HMGCLL1: variants seen among roughly 807,000 people sequenced by gnomAD.
HMGCLL1 encodes 3-hydroxymethyl-3-methylglutaryl-CoA lyase, cytoplasmic.
In HMGCLL1, 36 loss-of-function variants were observed where a neutral mutation model predicts 39.1. The ratio of observed to expected loss-of-function variants is 0.92; its 90% CI spans 0.71 to 1.22. HMGCLL1 has a LOEUF of 1.22. HMGCLL1 is among the 50% of genes most tolerant of loss of function. The pLI, the probability that HMGCLL1 is intolerant of heterozygous loss-of-function variation, is 0.00. For synonymous variants in HMGCLL1, 149 were observed against 144.0 expected (o/e 1.03, Z -0.25); for missense variants, 451 against 416.5 (o/e 1.08, Z -0.72).
At chr6:55,587,698 G>T in the HMGCLL1 span, among the ~76,000 whole-genome samples, 1 of 152,018 alleles carries the variant, frequency 6.6e-6, no homozygotes, top group Non-Finnish European at 1.5e-5. Flanking sequence ...AAAATAAAGG[G>T]ACGGAGGAAG....
intron 7 of HMGCLL1, among the ~76,000 whole-genome samples, chr6:55,490,854 G>C (rs1252891529): frequency 1.3e-5 from 2 of 151,868 alleles, no homozygotes; most frequent in African/African-American, 4.8e-5. Flanking sequence ...AGATGTTGGA[G>C]ATGAACTAAA....
the HMGCLL1 span, among the ~76,000 whole-genome samples, chr6:55,650,076 T>C: frequency 2.2e-4 from 21 of 97,034 alleles, no homozygotes; most frequent in African/African-American, 6.6e-4. Context: ...TATATATATA[T>C]ACACACACAT....
At chr6:55,631,886 C>G in the HMGCLL1 span, among the ~76,000 whole-genome samples, 1 of 152,046 alleles carries the variant, frequency 6.6e-6, no homozygotes, top group Non-Finnish European at 1.5e-5. Context: ...GTCTCAAAAC[C>G]CTGCAGAGCA....
the HMGCLL1 span, among the ~76,000 whole-genome samples, chr6:55,646,303 C>A: frequency 3.3e-5 from 5 of 151,604 alleles, no homozygotes; most frequent in Admixed American, 3.3e-4. Flanking sequence ...GTTACTCTGG[C>A]TAAAGTTTTG....
At chr6:55,669,453 G>A in the HMGCLL1 span, among the ~76,000 whole-genome samples, 1 of 151,858 alleles carries the variant, frequency 6.6e-6, no homozygotes, top group African/African-American at 2.4e-5. Flanking sequence ...TATTCAAAAT[G>A]CCCAGTATGT....
chr6:55,538,175 A>G (rs868485975), intron 3 of HMGCLL1, among the ~76,000 whole-genome samples: 1 of 152,146 alleles, frequency 6.6e-6, no homozygotes, highest in African/African-American at 2.4e-5. Context: ...GGCCATGAAC[A>G]TTACTATAGG....
chr6:55,674,091 C>T, the HMGCLL1 span, among the ~76,000 whole-genome samples: 1 of 152,036 alleles, frequency 6.6e-6, no homozygotes, highest in African/African-American at 2.4e-5. Context: ...AAAGTAGTAG[C>T]ATGTCGTAAT....
At chr6:55,657,000 A>G in the HMGCLL1 span, among the ~76,000 whole-genome samples, 1 of 151,888 alleles carries the variant, frequency 6.6e-6, no homozygotes. Context: ...GATGAATTAA[A>G]TACAGAAGTG....
At chr6:55,526,510 A>G (rs2127445468) in intron 3 of HMGCLL1, among the ~76,000 whole-genome samples, 1 of 152,146 alleles carries the variant, frequency 6.6e-6, no homozygotes, top group South Asian at 2.1e-4. Context: ...GCATGAAATA[A>G]GATTTAATAA....
Position 55,542,086 on chromosome 6 carries a change from G to C in HMGCLL1, c.163C>G (p.Pro55Ala), listed in dbSNP as rs1179174287. The C allele has an allele frequency of 1.9e-6, 3 of 1,609,264 alleles. No individual in the cohort carries two copies. The highest frequency in any genetic ancestry group is 2.7e-5 in the African/African-American group (2 of 74,776). ...PEFVKIVEVGPRDGLQNEKVI... is the reference protein window; with the variant it reads ...PEFVKIVEVGARDGLQNEKVI... The stretch of plus-strand genomic sequence containing the variant: ...TTTTCATTCTGCAATCCATCCCTAG[G>C]CCCAACTTCTACTATTTTAACAAAC... Residue 55 changes from proline to alanine, a missense_variant, in exon 2 of 9, where the codon CCT (proline) becomes GCT (alanine). Pro to Ala is a conservative substitution (Grantham distance 27). Coordinates refer to ENST00000274901, the MANE Select transcript of HMGCLL1 (RefSeq NM_001042406.2).
chr6:55,492,591 A>C lies in HMGCLL1; in HGVS notation c.795+2828T>G, dbSNP rs567201166. On this transcript the variant is annotated intron_variant, in intron 7 of 8. Coordinates refer to ENST00000274901, the MANE Select transcript of HMGCLL1 (RefSeq NM_001042406.2). ...TCTTATGATATCAATGCGTTTATCA[A>C]ACTCTATGCCAGCTGATGGCGGAAA... Among the ~76,000 whole-genome samples, 103 of 152,346 alleles carry C rather than the reference A, an allele frequency of 6.8e-4. 1 individual carries two copies. Among genetic ancestry groups the C allele is most frequent in the African/African-American group, 2.5e-3 (102 of 41,582 alleles).
chr6:55,473,974 C>T (rs890392439), intron 7 of HMGCLL1, among the ~76,000 whole-genome samples: 2 of 151,460 alleles, frequency 1.3e-5, no homozygotes, highest in African/African-American at 2.4e-5. Context: ...AGTTGAAATG[C>T]AATTCTTAAT....
At chr6:55,592,815 G>A in the HMGCLL1 span, among the ~76,000 whole-genome samples, 3 of 151,996 alleles carry the variant, frequency 2.0e-5, no homozygotes, top group African/African-American at 7.2e-5. Flanking sequence ...TTACAGATGA[G>A]ACCATTTGAG....
chr6:55,648,256 A>G, the HMGCLL1 span, among the ~76,000 whole-genome samples: 1 of 151,562 alleles, frequency 6.6e-6, no homozygotes. Flanking sequence ...TTATAGCAGC[A>G]TGATTTATAC....
At chr6:55,493,317 T>C (rs1766406974) in intron 7 of HMGCLL1, among the ~76,000 whole-genome samples, 1 of 152,170 alleles carries the variant, frequency 6.6e-6, no homozygotes, top group Admixed American at 6.5e-5. Context: ...TCTCCCTTTA[T>C]GGGATGGATC....
chr6:55,437,383 C>T (rs377680672), intron 8 of HMGCLL1, among the ~76,000 whole-genome samples: 48 of 151,430 alleles, frequency 3.2e-4, no homozygotes, highest in African/African-American at 6.5e-4. Context: ...CAGGTTATTA[C>T]GGAGGCAGAG....
intron 1 of HMGCLL1, among the ~76,000 whole-genome samples, chr6:55,553,661 G>C (rs1770489086): frequency 6.6e-6 from 1 of 152,142 alleles, no homozygotes; most frequent in African/African-American, 2.4e-5. Context: ...GCACATTGAT[G>C]AGTTAATACT....
At chr6:55,530,077 GGGGC>G (rs200197250) in intron 3 of HMGCLL1, among the ~76,000 whole-genome samples, 5 of 85,570 alleles carry the variant, frequency 5.8e-5, no homozygotes, top group South Asian at 6.4e-4. Flanking sequence ...GGGGGGTTGG[GGGGC>G]GGGGTGTGGA....
chr6:55,669,732 T>A, the HMGCLL1 span, among the ~76,000 whole-genome samples: 1 of 151,726 alleles, frequency 6.6e-6, no homozygotes, highest in Non-Finnish European at 1.5e-5. Flanking sequence ...ACTGGATAGA[T>A]TAAAAAGCAG....
Sources: gnomAD v4.1 joint callset for allele counts (sites outside exome capture counted in the v4.1 genomes callset) on GRCh38, gnomAD v4.1.1 for gene constraint, MANE v1.5 for transcripts, NCBI Gene and HGNC (gene_info 2026-07-23, HGNC 2026-07-21) for gene names.